The following PTPRD variants were observed in gnomAD, a reference collection of about 807,000 sequenced individuals.
PTPRD encodes receptor-type tyrosine-protein phosphatase delta.
A neutral mutation model predicts 214.5 loss-of-function variants in PTPRD; 34 were observed. That is an observed-to-expected ratio of 0.16 (90% confidence interval 0.12 to 0.21). PTPRD has a LOEUF of 0.21. Among genes scored for constraint, PTPRD ranks in the 10% least tolerant of loss-of-function variants. PTPRD has a pLI of 1.00. For missense variants in PTPRD, 2,545 were observed against 2,398.7 expected (o/e 1.06, Z -1.27); for synonymous variants, 1,128 against 845.7 (o/e 1.33, Z -5.79).
At chr9:10,584,112 T>C (rs529618762) in intron 2 of PTPRD, among the ~76,000 whole-genome samples, 43 of 152,064 alleles carry the variant, frequency 2.8e-4, no homozygotes, top group African/African-American at 9.4e-4. Flanking sequence ...GTGTTGGCAC[T>C]TGAAATCCTT....
intron 37 of PTPRD, 110 bp downstream of exon 37, chr9:8,389,122 T>C: frequency 1.1e-6 from 1 of 922,610 alleles, no homozygotes; most frequent in South Asian, 2.0e-5. Flanking sequence ...TAGTATCTGT[T>C]AGAAAGATAA....
chr9:9,738,398 C>A (rs1047465585), intron 6 of PTPRD, among the ~76,000 whole-genome samples: 1 of 133,320 alleles, frequency 7.5e-6, no homozygotes, highest in African/African-American at 3.0e-5. Context: ...ATTTTTTAAT[C>A]TTCTTTGGAG....
intron 2 of PTPRD, among the ~76,000 whole-genome samples, chr9:10,508,938 T>C (rs1044583694): frequency 6.6e-6 from 1 of 151,972 alleles, no homozygotes; most frequent in African/African-American, 2.4e-5. Context: ...GAACTTAGAG[T>C]ATAATAAAAA....
intron 4 of PTPRD, among the ~76,000 whole-genome samples, chr9:10,010,991 T>C (rs1460204466): frequency 6.6e-6 from 1 of 152,000 alleles, no homozygotes. Context: ...AAGTATTTCA[T>C]CTGGTTAGGA....
chr9:10,476,523 T>A (rs1033816231), intron 2 of PTPRD, among the ~76,000 whole-genome samples: 1 of 152,188 alleles, frequency 6.6e-6, no homozygotes, highest in East Asian at 1.9e-4. Context: ...TCCATACTCA[T>A]GGGTAGGAAG....
At chr9:9,647,791 C>T (rs752522335) in intron 7 of PTPRD, among the ~76,000 whole-genome samples, 7 of 152,060 alleles carry the variant, frequency 4.6e-5, no homozygotes, top group Admixed American at 3.3e-4. Context: ...CTTGGGTATG[C>T]CCAAAATTTT....
At chr9:8,763,372 G>A (rs896659885) in intron 11 of PTPRD, among the ~76,000 whole-genome samples, 6 of 151,836 alleles carry the variant, frequency 4.0e-5, no homozygotes, top group Non-Finnish European at 8.8e-5. Context: ...AAATTAGCTG[G>A]GTATGGTGGC....
chr9:10,114,881 A>C (rs575710908), intron 3 of PTPRD, among the ~76,000 whole-genome samples: 1 of 152,134 alleles, frequency 6.6e-6, no homozygotes, highest in Admixed American at 6.5e-5. Flanking sequence ...ATCAATAGCA[A>C]TATGGAAAGA....
chr9:9,473,049 G>A (rs2094740247), intron 8 of PTPRD, among the ~76,000 whole-genome samples: 3 of 152,006 alleles, frequency 2.0e-5, no homozygotes. Context: ...CATTACTACA[G>A]AACATTAAAA....
intron 2 of PTPRD, among the ~76,000 whole-genome samples, chr9:10,446,469 A>T (rs1216280338): frequency 7.2e-6 from 1 of 138,850 alleles, no homozygotes; most frequent in Non-Finnish European, 1.5e-5. Flanking sequence ...CAGCTAAAAG[A>T]TTGAAATTCT....
chr9:9,623,537 AC>A (rs1418132744), intron 7 of PTPRD, among the ~76,000 whole-genome samples: 1 of 152,008 alleles, frequency 6.6e-6, no homozygotes, highest in Non-Finnish European at 1.5e-5. Flanking sequence ...ACCTCATATT[AC>A]CCCCTTTCTA....
At chr9:8,717,278 G>A (rs555355696) in intron 12 of PTPRD, among the ~76,000 whole-genome samples, 2 of 152,268 alleles carry the variant, frequency 1.3e-5, no homozygotes, top group East Asian at 3.9e-4. Flanking sequence ...GGATGGAAGA[G>A]AAATACACAA....
chr9:9,120,633 T>A (rs996891295), intron 10 of PTPRD, among the ~76,000 whole-genome samples: 4 of 152,212 alleles, frequency 2.6e-5, no homozygotes, highest in Admixed American at 2.6e-4. Flanking sequence ...AAGCAGATCA[T>A]CTGGAGAGGA....
At chr9:8,370,313 T>A (rs940141447) in intron 39 of PTPRD, among the ~76,000 whole-genome samples, 1 of 151,844 alleles carries the variant, frequency 6.6e-6, no homozygotes. Flanking sequence ...AAGAGCTAAG[T>A]ATAAGGGACT....
chr9:9,377,911 A>G (rs1017012052), intron 9 of PTPRD, among the ~76,000 whole-genome samples: 79 of 150,784 alleles, frequency 5.2e-4, no homozygotes, highest in African/African-American at 1.4e-3. Flanking sequence ...GTTGTTTCTT[A>G]AGACTATTTT....
intron 3 of PTPRD, among the ~76,000 whole-genome samples, chr9:10,109,851 T>C (rs1055121433): frequency 2.0e-5 from 3 of 152,054 alleles, no homozygotes; most frequent in Non-Finnish European, 4.4e-5. Flanking sequence ...GCAAGGAGAC[T>C]ATTTTCAAGA....
chr9:9,987,829 G>A (rs1025259437), intron 4 of PTPRD, among the ~76,000 whole-genome samples: 2 of 152,100 alleles, frequency 1.3e-5, no homozygotes, highest in African/African-American at 4.8e-5. Flanking sequence ...TATGCTAGTT[G>A]CAAATTGGAT....
At chr9:9,763,370 C>T (rs1301195180) in intron 6 of PTPRD, among the ~76,000 whole-genome samples, 1 of 152,072 alleles carries the variant, frequency 6.6e-6, no homozygotes, top group African/African-American at 2.4e-5. Context: ...AGTACCCATC[C>T]ATATGTATCT....
In PTPRD at chr9:9,863,724, T is replaced by A. The variant is rs534195029; in HGVS notation, c.-368+74783A>T. Among the ~76,000 whole-genome samples the A allele has an allele frequency of 2.6e-5, 4 of 151,944 alleles. No individual in the cohort carries two copies. The South Asian group carries it at 8.3e-4, about 32-fold the overall frequency. On this transcript the variant is annotated intron_variant, in intron 5 of 45. Transcript: ENST00000381196. ...GGGCTATTGGAGATGAAAAGAGACA[T>A]AAGACAGAATTGTCCTAGCTACTAT...
Sources: allele counts gnomAD v4.1 joint callset (sites outside exome capture counted in the v4.1 genomes callset), GRCh38; gene constraint gnomAD v4.1.1; transcripts MANE v1.5; gene names NCBI Gene and HGNC (gene_info 2026-07-23, HGNC 2026-07-21).